Variants in USP10 observed in about 807,000 individuals in gnomAD.
USP10 encodes the protein ubiquitin specific peptidase 10, also known as ubiquitin carboxyl-terminal hydrolase 10.
Under a neutral mutation model 84.5 loss-of-function variants are expected in USP10, and 22 were observed. That is an observed-to-expected ratio of 0.26 (90% confidence interval 0.19 to 0.37). The LOEUF (loss-of-function observed/expected upper bound fraction) is 0.37. Ranked by LOEUF, USP10 falls within the 10% of genes least tolerant of loss-of-function variation. USP10 has a pLI of 1.00. For missense variants in USP10, 1,019 were observed against 998.9 expected (o/e 1.02, Z -0.27); for synonymous variants, 454 against 387.6 (o/e 1.17, Z -2.01).
At chr16:84,718,562 C>G (rs1054603118) in intron 1 of USP10, among the ~76,000 whole-genome samples, 1 of 152,094 alleles carries the variant, frequency 6.6e-6, no homozygotes, top group African/African-American at 2.4e-5. Context: ...TCAAGACCAT[C>G]CTGGCCAACA....
intron 4 of USP10, among the ~76,000 whole-genome samples, chr16:84,749,111 A>T (rs1911596566): frequency 6.6e-6 from 1 of 152,216 alleles, no homozygotes; most frequent in Admixed American, 6.5e-5. Context: ...GTCACATTGA[A>T]TAACCCTTGG....
rs555501646 is a variant in USP10, at chr16:84,744,214, T to A, written c.152-419T>A. On this transcript the variant is annotated intron_variant, in intron 3 of 13. Coordinates refer to ENST00000219473, the MANE Select transcript of USP10 (RefSeq NM_005153.3). ...AACTACAGAAGCTGATTTAACCATG[T>A]TTTAAGTCCCTAAGTTAGTTGTCAT... Among the ~76,000 whole-genome samples the A allele has an allele frequency of 1.9e-3, 294 of 152,310 alleles. 3 individuals carry two copies. The highest frequency in any genetic ancestry group is 6.3e-3 in the African/African-American group (260 of 41,580).
In USP10 at chr16:84,745,160, C is replaced by G. The variant is rs139338093; in HGVS notation, c.679C>G (p.Pro227Ala). The G allele has an allele frequency of 6.2e-7, 1 of 1,613,434 alleles. No homozygotes were observed. The highest frequency in any genetic ancestry group is 1.7e-5 in the Admixed American group (1 of 59,986). ...DSVSDIVPDS[P>A]FPGALGSDTR... ...TGTCAGTGACATTGTGCCTGACAGTCCTTTCCCCGGAGCACTCGGCAGTGA... is the reference window on the plus strand; with the variant it reads ...TGTCAGTGACATTGTGCCTGACAGTGCTTTCCCCGGAGCACTCGGCAGTGA... The change falls in exon 4 of 14, where the codon CCT (proline) becomes GCT (alanine). Residue 227 changes from proline (P) to alanine (A), a missense_variant. By Grantham distance (27) the Pro-to-Ala change is conservative. Coordinates refer to ENST00000219473, the MANE Select transcript of USP10 (RefSeq NM_005153.3).
chr16:84,772,398 T>C (rs1157130618), intron 11 of USP10, 143 bp from the exon 12 acceptor site: 2 of 1,115,206 alleles, frequency 1.8e-6, no homozygotes, highest in Non-Finnish European at 2.6e-6. Context: ...AGAGCTTCTG[T>C]GGGGCAGGAA....
At chr16:84,740,931 G>A (rs921425408) in intron 3 of USP10, among the ~76,000 whole-genome samples, 1 of 152,222 alleles carries the variant, frequency 6.6e-6, no homozygotes, top group Admixed American at 6.5e-5. Context: ...CAATGATTTT[G>A]TATTGCTTAA....
intron 2 of USP10, 113 bp from the exon 3 acceptor site, chr16:84,740,196 C>A: frequency 1.2e-6 from 1 of 861,206 alleles, no homozygotes. Flanking sequence ...GAAGTAACGG[C>A]ATGCAAAGTT....
intron 3 of USP10, 83 bp from the exon 4 acceptor site, chr16:84,744,549 TA>T (rs2150821516): frequency 7.6e-7 from 1 of 1,311,658 alleles, no homozygotes; most frequent in East Asian, 2.5e-5. Context: ...TTAAGGTTTT[TA>T]TTTTCAAAGA....
chr16:84,717,722 A>G (rs1341442181), intron 1 of USP10, among the ~76,000 whole-genome samples: 2 of 152,138 alleles, frequency 1.3e-5, no homozygotes, highest in African/African-American at 4.8e-5. Context: ...GAGATGCATC[A>G]CTTCTTAGTA....
intron 1 of USP10, among the ~76,000 whole-genome samples, chr16:84,728,725 T>C (rs768377298): frequency 6.6e-6 from 1 of 152,250 alleles, no homozygotes; most frequent in Non-Finnish European, 1.5e-5. Flanking sequence ...TTTTGTAGTT[T>C]TATCAGCATA....
intron 6 of USP10, 110 bp downstream of exon 6, chr16:84,759,582 TTCTG>T (rs1912962159): frequency 9.7e-7 from 1 of 1,030,666 alleles, no homozygotes; most frequent in Non-Finnish European, 1.4e-6. Context: ...AGTCCTATAA[TTCTG>T]TCTTTTTTTA....
rs898647288 is a variant in USP10, at chr16:84,778,070, A to AT, written c.2210-815dup. On this transcript the variant is annotated intron_variant, in intron 13 of 13. Coordinates refer to ENST00000219473, the MANE Select transcript of USP10 (RefSeq NM_005153.3). ...TTGACTAAGGCTTCTTGGTTATAGGATTTTTTTTTTAAGTAAATAACTGTG... is the reference window on the plus strand; with the variant it reads ...TTGACTAAGGCTTCTTGGTTATAGGATTTTTTTTTTTAAGTAAATAACTGTG... Among the ~76,000 whole-genome samples the AT allele has an allele frequency of 1.9e-3, 225 of 116,360 alleles. 2 individuals carry two copies. Among genetic ancestry groups the AT allele is most frequent in the African/African-American group, 5.9e-3 (184 of 31,130 alleles). 76.3% of individuals were successfully genotyped at this position (116,360 alleles called of 152,430 possible).
Position 84,763,076 on chromosome 16 carries a change from C to G in USP10, c.1642C>G (p.Pro548Ala), listed in dbSNP as rs200146033. ...GTTGAACCTAAAGAAGCTTCTCTCACCAAGTAATGAAAGTAGGTTATGGTC... is the reference window on the plus strand; with the variant it reads ...GTTGAACCTAAAGAAGCTTCTCTCAGCAAGTAATGAAAGTAGGTTATGGTC... ...EMLNLKKLLS[P>A]SNEKLTISNG... is the part of the protein sequence containing the mutation. Residue 548 changes from proline (P) to alanine (A), a missense_variant, in exon 9 of 14, where the codon CCA becomes GCA. Pro to Ala is a conservative substitution (Grantham distance 27, BLOSUM62 -1). Around this residue, in one of 2 missense-constraint regions of USP10, gnomAD observed 787 missense variants for 708.8 expected, o/e 1.11. Coordinates refer to ENST00000219473, the MANE Select transcript of USP10 (RefSeq NM_005153.3). The G allele has an allele frequency of 1.9e-5, 30 of 1,609,978 alleles. No homozygotes were observed. The African/African-American group carries it at 3.3e-4, about 18-fold the overall frequency.
intron 1 of USP10, among the ~76,000 whole-genome samples, chr16:84,719,176 C>A (rs1907460593): frequency 6.6e-6 from 1 of 152,062 alleles, no homozygotes; most frequent in Non-Finnish European, 1.5e-5. Context: ...AAAAGAGTTC[C>A]CATTTTAAAG....
intron 13 of USP10, among the ~76,000 whole-genome samples, chr16:84,777,431 G>T (rs926493469): frequency 6.6e-6 from 1 of 152,192 alleles, no homozygotes; most frequent in East Asian, 1.9e-4. Context: ...GTCTCAAAGT[G>T]AACTTGGGAT....
rs10699847 is a variant in USP10 at position 84,720,576 on chromosome 16, A to ATTTTTTTTTTTTTTTTTTTTTT, written c.22-12857_22-12836dup. 5.4e-4 allele frequency among the ~76,000 whole-genome samples: 48 copies of ATTTTTTTTTTTTTTTTTTTTTT among 88,348 alleles called. 3 individuals are homozygous for ATTTTTTTTTTTTTTTTTTTTTT. The highest frequency in any genetic ancestry group is 9.8e-4 in the East Asian group (2 of 2,034). 58.0% of individuals were successfully genotyped at this position (88,348 alleles called of 152,430 possible). On this transcript the variant is annotated intron_variant, in intron 1 of 13. Transcript: ENST00000219473. Reference sequence around the variant, plus strand: ...ATGCAGAATAAAAAGATGATGCCCAATTTTTTTTTTTTTTTTTTTTTTTGA... The same window carrying ATTTTTTTTTTTTTTTTTTTTTT: ...ATGCAGAATAAAAAGATGATGCCCAATTTTTTTTTTTTTTTTTTTTTTTTTTTTTTTTTTTTTTTTTTTTTGA...
intron 8 of USP10, among the ~76,000 whole-genome samples, chr16:84,761,540 A>G (rs1913203174): frequency 6.6e-6 from 1 of 152,238 alleles, no homozygotes; most frequent in African/African-American, 2.4e-5. Context: ...GTGGGGCCAC[A>G]AGGCTACGCG....
At chr16:84,714,422 C>T (rs1367728109) in intron 1 of USP10, among the ~76,000 whole-genome samples, 1 of 152,178 alleles carries the variant, frequency 6.6e-6, no homozygotes, top group East Asian at 1.9e-4. Context: ...AGGCTTAGGC[C>T]ATCCTCCCTC....
chr16:84,773,400 C>T (rs541047218), intron 12 of USP10, among the ~76,000 whole-genome samples: 10 of 152,278 alleles, frequency 6.6e-5, no homozygotes, highest in South Asian at 2.1e-4. Flanking sequence ...AAACCTGAAC[C>T]GAGAGTCCTC....
At chr16:84,774,584 C>T (rs902968423) in intron 12 of USP10, among the ~76,000 whole-genome samples, 1 of 151,382 alleles carries the variant, frequency 6.6e-6, no homozygotes, top group Non-Finnish European at 1.5e-5. Context: ...GATTCTCCTG[C>T]CTCAGCCTCC....
Sources: allele counts gnomAD v4.1 joint callset (sites outside exome capture counted in the v4.1 genomes callset), GRCh38; gene constraint gnomAD v4.1.1; regional missense constraint gnomAD v4.1.1; transcripts MANE v1.5; gene names NCBI Gene and HGNC (gene_info 2026-07-23, HGNC 2026-07-21).